The following NCKAP5 variants were observed in gnomAD, a reference collection of about 807,000 sequenced individuals.
NCKAP5 encodes NCK associated protein 5, also known as nck-associated protein 5.
NCKAP5 carries 92 observed loss-of-function variants against 167.0 expected under a neutral mutation model. That is an observed-to-expected ratio of 0.55 (90% CI 0.47 to 0.66). The LOEUF (loss-of-function observed/expected upper bound fraction) is 0.66, where lower values mean the gene tolerates loss of function less well. Among genes scored for constraint, NCKAP5 ranks in the 30% least tolerant of loss-of-function variants. NCKAP5 has a pLI of 0.00. For missense variants in NCKAP5, 2,378 were observed against 2,315.0 expected, an observed-to-expected ratio of 1.03 and a Z score of -0.56; for synonymous variants, 891 against 877.4, an observed-to-expected ratio of 1.02 and a Z score of -0.27.
intron 5 of NCKAP5, among the ~76,000 whole-genome samples, chr2:133,201,787 A>G (rs1487247821): frequency 6.6e-6 from 1 of 152,176 alleles, no homozygotes; most frequent in Non-Finnish European, 1.5e-5. Flanking sequence ...AACAACACAG[A>G]GACATAGAAG....
rs776642902 is a variant in NCKAP5 at position 132,784,594 on chromosome 2, A to G, written c.2217T>C (p.Thr739=). ...YTFFKRSEED[T]EKNIPKDNVD... The stretch of plus-strand genomic sequence containing the variant: ...CATTATCTTTTGGAATGTTTTTCTC[A>G]GTGTCCTCTTCAGACCTTTTAAAGA... Residue 739 remains threonine, a synonymous_variant, in exon 14 of 20, where the codon ACT becomes ACC. Transcript: ENST00000409261. 11 of 1,596,006 alleles carry G rather than the reference A, an allele frequency of 6.9e-6. No individual in the cohort carries two copies. In the Admixed American group the frequency reaches 1.7e-4, roughly 25 times the overall value.
intron 11 of NCKAP5, among the ~76,000 whole-genome samples, chr2:132,839,845 C>T (rs1171931103): frequency 4.1e-5 from 6 of 148,034 alleles, no homozygotes; most frequent in African/African-American, 1.5e-4. Flanking sequence ...AAAGACTGAA[C>T]ACATATTTTG....
In NCKAP5 at chr2:132,752,757, G is replaced by A. The variant is rs1035771129; in HGVS notation, c.5129-20706C>T. 4.6e-5 allele frequency among the ~76,000 whole-genome samples: 7 copies of A among 152,266 alleles called. No individual in the cohort carries two copies. The East Asian group carries it at 9.6e-4, about 21-fold the overall frequency. On this transcript the variant is annotated intron_variant, in intron 16 of 19. Coordinates refer to ENST00000409261, the MANE Select transcript of NCKAP5 (RefSeq NM_207363.3). ...GAATTGGCTCACATGATACCAAAGC[G>A]GACAATTCCCAAGATCTTCAGGGTA...
At position 133,338,309 on chromosome 2, in the gene NCKAP5, T is replaced by A. The variant is rs112200874; in HGVS notation, c.70-35199A>T. ...TGTTCAAAGATGTAGAGTTCCTATA[T>A]AAACATACCAATTCTAAATGTACAC... On this transcript the variant is annotated intron_variant, in intron 3 of 19. Transcript: ENST00000409261. 9.8e-3 allele frequency among the ~76,000 whole-genome samples: 1,492 copies of A among 152,324 alleles called. 27 individuals carry two copies. Among genetic ancestry groups the A allele is most frequent in the African/African-American group, 0.032 (1,317 of 41,560 alleles).
chr2:132,780,908 T>G (rs1231044328), intron 15 of NCKAP5, 144 bp downstream of exon 15: 9 of 916,354 alleles, frequency 9.8e-6, no homozygotes, highest in Non-Finnish European at 1.4e-5. Context: ...TTTCGCTCTC[T>G]TTTTACAAAT....
chr2:133,256,069 C>A (rs114141578), intron 4 of NCKAP5, among the ~76,000 whole-genome samples: 290 of 152,200 alleles, frequency 1.9e-3, no homozygotes, highest in Admixed American at 3.4e-3. Flanking sequence ...AAAAAGCAAT[C>A]TGCTTGATGA....
intron 5 of NCKAP5, among the ~76,000 whole-genome samples, chr2:133,143,035 T>C (rs1380493258): frequency 2.0e-5 from 3 of 152,144 alleles, no homozygotes; most frequent in Non-Finnish European, 4.4e-5. Context: ...ATTAGTGTCT[T>C]GAAAGCCCTT....
intron 6 of NCKAP5, among the ~76,000 whole-genome samples, chr2:133,073,258 C>T (rs1164222545): frequency 1.3e-5 from 2 of 151,436 alleles, no homozygotes; most frequent in African/African-American, 2.4e-5. Flanking sequence ...TTTTTATTCT[C>T]CCTGCCACGT....
chr2:132,978,883 C>T (rs1418813971), intron 7 of NCKAP5, among the ~76,000 whole-genome samples: 3 of 152,178 alleles, frequency 2.0e-5, no homozygotes, highest in Non-Finnish European at 4.4e-5. Flanking sequence ...CCTGGTTCTC[C>T]GTGTCTCTTT....
chr2:132,673,409 C>T (rs1006034300), intron 19 of NCKAP5, 104 bp from the exon 20 acceptor site: 2 of 901,060 alleles, frequency 2.2e-6, no homozygotes, highest in Admixed American at 7.6e-5. Context: ...TTTAAAGGGA[C>T]AGAGAAAACC....
At chr2:133,638,287 C>A in the NCKAP5 span, among the ~76,000 whole-genome samples, 2 of 151,862 alleles carry the variant, frequency 1.3e-5, no homozygotes, top group African/African-American at 4.8e-5. Context: ...CAGTGCTAAA[C>A]TAGGGAAATA....
chr2:132,750,014 A>T lies in NCKAP5; in HGVS notation c.5129-17963T>A, dbSNP rs377412265. Among the ~76,000 whole-genome samples, 7 of 152,346 alleles carry T rather than the reference A, an allele frequency of 4.6e-5. No individual in the cohort carries two copies. The South Asian group carries it at 1.0e-3, about 23-fold the overall frequency. ...ATCAGTATATCCAGCTTACAGATAC[A>T]GAAACTGACGCAAAGGTTTGTTTAG... On this transcript the variant is annotated intron_variant, in intron 16 of 19. Coordinates refer to ENST00000409261, the MANE Select transcript of NCKAP5 (RefSeq NM_207363.3).
intron 4 of NCKAP5, among the ~76,000 whole-genome samples, chr2:133,255,902 G>A (rs1169608326): frequency 1.3e-5 from 2 of 152,122 alleles, no homozygotes; most frequent in Non-Finnish European, 2.9e-5. Context: ...AAACTCATAA[G>A]TATGAACTGA....
chr2:132,766,854 TAAC>T (rs1267003746), intron 16 of NCKAP5, among the ~76,000 whole-genome samples: 1 of 152,220 alleles, frequency 6.6e-6, no homozygotes, highest in Non-Finnish European at 1.5e-5. Flanking sequence ...TCCTTGATAA[TAAC>T]AACTGTACAT....
chr2:133,602,902 G>A, the NCKAP5 span, among the ~76,000 whole-genome samples: 35 of 152,158 alleles, frequency 2.3e-4, no homozygotes, highest in Admixed American at 2.6e-4. Flanking sequence ...GCAGTAGTGG[G>A]GAATAATGGG....
chr2:132,783,703 A>G lies in NCKAP5; in HGVS notation c.3108T>C (p.Pro1036=). 6.2e-7 allele frequency: 1 copy of G among 1,613,434 alleles called. No individual in the cohort carries two copies. The highest frequency in any genetic ancestry group is 8.5e-7 in the Non-Finnish European group (1 of 1,179,674). The part of the protein sequence containing the change: ...SSSFTVMALG[P]PKVSPKRGVP... ...CACCTCTCTTCGGAGAGACCTTTGG[A>G]GGCCCCAGAGCCATTACGGTGAAGG... The change falls in exon 14 of 20, where the codon CCT becomes CCC. Residue 1036 remains proline (P), a synonymous_variant. Transcript: ENST00000409261.
rs1399638994 is a variant in NCKAP5 at position 133,290,418 on chromosome 2, T to C, written c.143+12619A>G. The stretch of plus-strand genomic sequence containing the variant: ...TAATTGGTAGATCAACAGAATAAAA[T>C]TATGAGATACAAATATACATTTGAT... On this transcript the variant is annotated intron_variant, in intron 4 of 19. Transcript: ENST00000409261. Among the ~76,000 whole-genome samples, 5 of 152,220 alleles carry C rather than the reference T, an allele frequency of 3.3e-5. 1 individual carries two copies. Among genetic ancestry groups the C allele is most frequent in the Admixed American group, 2.6e-4 (4 of 15,278 alleles).
chr2:132,924,914 T>C (rs1299313404), intron 8 of NCKAP5, among the ~76,000 whole-genome samples: 1 of 152,182 alleles, frequency 6.6e-6, no homozygotes, highest in Admixed American at 6.5e-5. Flanking sequence ...AGATTTTTTT[T>C]TTAAGCTAAG....
At chr2:132,968,983 C>T (rs150341554) in intron 7 of NCKAP5, among the ~76,000 whole-genome samples, 2,457 of 152,250 alleles carry the variant, frequency 0.016, 33 homozygotes, top group Middle Eastern at 0.027. Context: ...ATGAAGGGCA[C>T]TGATAGAGGA....
Sources: gnomAD v4.1 joint callset for allele counts (sites outside exome capture counted in the v4.1 genomes callset) on GRCh38, gnomAD v4.1.1 for gene constraint, MANE v1.5 for transcripts, NCBI Gene and HGNC (gene_info 2026-07-23, HGNC 2026-07-21) for gene names.